EDIL3: variants seen among roughly 807,000 people sequenced by gnomAD.
The protein encoded by EDIL3 is EGF-like repeat and discoidin I-like domain-containing protein 3.
EDIL3 carries 37 observed loss-of-function variants against 67.4 expected under a neutral mutation model. The ratio of observed to expected loss-of-function variants is 0.55; its 90% CI spans 0.42 to 0.72. The LOEUF (loss-of-function observed/expected upper bound fraction) is 0.72, where lower values mean the gene tolerates loss of function less well. EDIL3 is among the 30% of genes least tolerant of loss of function. EDIL3 has a pLI of 0.00. For synonymous variants in EDIL3, 195 were observed against 196.3 expected (o/e 0.99, Z 0.05); for missense variants, 527 against 586.3 (o/e 0.90, Z 1.04).
intron 5 of EDIL3, among the ~76,000 whole-genome samples, chr5:84,126,987 C>T (rs920314156): frequency 2.0e-5 from 3 of 152,084 alleles, no homozygotes; most frequent in East Asian, 1.9e-4. Context: ...ATTGTCATTT[C>T]GGGGATGTTT....
intron 9 of EDIL3, among the ~76,000 whole-genome samples, chr5:83,995,865 G>A (rs1745229931): frequency 6.6e-6 from 1 of 152,140 alleles, no homozygotes; most frequent in Non-Finnish European, 1.5e-5. Flanking sequence ...TTACATTCTT[G>A]ACAGACATAT....
rs1012872187 is a variant in EDIL3, at chr5:83,962,703, GTAATCAAAA to G, written c.1293+493_1293+501del. 1.5e-4 allele frequency among the ~76,000 whole-genome samples: 23 copies of G among 151,600 alleles called. 1 individual carries two copies. Among genetic ancestry groups the G allele is most frequent in the Middle Eastern group, 3.4e-3 (1 of 294 alleles). ...TCTGAGTTTTTTGTTGTTGAGCTGT[GTAATCAAAA>G]TTGTTCTATTTCTAAAATTCCTACT... is the stretch of plus-strand genomic sequence containing the variant. On this transcript the variant is annotated intron_variant, in intron 10 of 10. Transcript: ENST00000296591.
At chr5:84,082,911 T>A (rs1031777747) in intron 6 of EDIL3, among the ~76,000 whole-genome samples, 1 of 152,126 alleles carries the variant, frequency 6.6e-6, no homozygotes, top group Non-Finnish European at 1.5e-5. Flanking sequence ...GTTTTTAATA[T>A]GTTGTCCAAA....
At chr5:84,014,938 A>G (rs1745574089) in intron 9 of EDIL3, among the ~76,000 whole-genome samples, 1 of 152,246 alleles carries the variant, frequency 6.6e-6, no homozygotes, top group South Asian at 2.1e-4. Flanking sequence ...TAATCATATT[A>G]GCACATAGAA....
chr5:84,346,394 G>T (rs1437513604), intron 1 of EDIL3, among the ~76,000 whole-genome samples: 1 of 151,968 alleles, frequency 6.6e-6, no homozygotes, highest in African/African-American at 2.4e-5. Context: ...GCTTGGCTGT[G>T]TCCCAATAAA....
chr5:83,960,967 T>C (rs1744596809), intron 10 of EDIL3, among the ~76,000 whole-genome samples: 1 of 151,046 alleles, frequency 6.6e-6, no homozygotes, highest in African/African-American at 2.4e-5. Flanking sequence ...ATAGAAGGAA[T>C]ACTTTTCAAA....
At chr5:84,061,878 C>CT (rs1158555212) in intron 8 of EDIL3, among the ~76,000 whole-genome samples, 1 of 151,860 alleles carries the variant, frequency 6.6e-6, no homozygotes, top group African/African-American at 2.4e-5. Flanking sequence ...AAAACTAGAC[C>CT]TTTTTTGGAG....
chr5:84,234,608 T>G (rs1227786739), intron 2 of EDIL3, among the ~76,000 whole-genome samples: 1 of 152,190 alleles, frequency 6.6e-6, no homozygotes, highest in Non-Finnish European at 1.5e-5. Flanking sequence ...AACTTGGAAA[T>G]TATACCCATT....
intron 9 of EDIL3, among the ~76,000 whole-genome samples, chr5:84,012,093 T>C (rs1157690342): frequency 6.6e-6 from 1 of 152,164 alleles, no homozygotes; most frequent in African/African-American, 2.4e-5. Flanking sequence ...GAATAAACTA[T>C]TACTATTTAC....
intron 1 of EDIL3, among the ~76,000 whole-genome samples, chr5:84,311,979 A>G (rs1580070937): frequency 6.6e-6 from 1 of 152,120 alleles, no homozygotes; most frequent in Admixed American, 6.5e-5. Context: ...AGACATGGCA[A>G]CCATCCGATT....
At chr5:84,349,472 A>C (rs1747312024) in intron 1 of EDIL3, among the ~76,000 whole-genome samples, 1 of 152,204 alleles carries the variant, frequency 6.6e-6, no homozygotes, top group Non-Finnish European at 1.5e-5. Flanking sequence ...TTCATTATTG[A>C]AGAAAATAAT....
chr5:84,246,870 T>C (rs945741028), intron 2 of EDIL3, among the ~76,000 whole-genome samples: 9 of 152,202 alleles, frequency 5.9e-5, no homozygotes, highest in Non-Finnish European at 1.3e-4. Context: ...TTATATGGTA[T>C]GTTACAGAAT....
At chr5:83,987,602 T>C (rs1284625188) in intron 9 of EDIL3, among the ~76,000 whole-genome samples, 1 of 152,090 alleles carries the variant, frequency 6.6e-6, no homozygotes, top group Non-Finnish European at 1.5e-5. Flanking sequence ...CAGATCCTTG[T>C]GTATCTGCGG....
rs984514651 is a variant in EDIL3, at chr5:84,004,830, C to G, written c.1138-41470G>C. Reference sequence around the variant, plus strand: ...AAGCTAGCAGAAGAAAAGAGATAACCAAAATCAGTGCTCAACTGAATTAAG... The same window carrying G: ...AAGCTAGCAGAAGAAAAGAGATAACGAAAATCAGTGCTCAACTGAATTAAG... On this transcript the variant is annotated intron_variant, in intron 9 of 10. Coordinates refer to ENST00000296591, the MANE Select transcript of EDIL3 (RefSeq NM_005711.5). Among the ~76,000 whole-genome samples the G allele has an allele frequency of 2.0e-5, 3 of 151,736 alleles. No individual in the cohort carries two copies. In the South Asian group the frequency reaches 6.2e-4, roughly 31 times the overall value.
intron 5 of EDIL3, among the ~76,000 whole-genome samples, chr5:84,108,529 C>T (rs73136232): frequency 1.9e-3 from 294 of 152,180 alleles, no homozygotes; most frequent in African/African-American, 6.8e-3. Flanking sequence ...TGAAGTCTTA[C>T]GAGCTGCAGA....
At chr5:84,279,902 G>A (rs1745662843) in intron 1 of EDIL3, among the ~76,000 whole-genome samples, 2 of 152,098 alleles carry the variant, frequency 1.3e-5, no homozygotes, top group Admixed American at 1.3e-4. Flanking sequence ...GATACACCCA[G>A]TACTTAATCC....
At chr5:84,316,805 A>G (rs1287569360) in intron 1 of EDIL3, among the ~76,000 whole-genome samples, 2 of 152,178 alleles carry the variant, frequency 1.3e-5, no homozygotes, top group South Asian at 2.1e-4. Flanking sequence ...AACAGAATAT[A>G]CACTCTTCTC....
chr5:84,358,108 A>G (rs1183173211), intron 1 of EDIL3, among the ~76,000 whole-genome samples: 10 of 152,154 alleles, frequency 6.6e-5, no homozygotes, highest in African/African-American at 2.4e-4. Flanking sequence ...CAAAAAATAC[A>G]TGGGAACCCC....
At chr5:84,119,280 T>G (rs1328706973) in intron 5 of EDIL3, among the ~76,000 whole-genome samples, 1 of 135,306 alleles carries the variant, frequency 7.4e-6, no homozygotes, top group Non-Finnish European at 1.6e-5. Flanking sequence ...CCATTTCCCA[T>G]GCAAAATGTT....
Sources: gnomAD v4.1 joint callset for allele counts (sites outside exome capture counted in the v4.1 genomes callset) on GRCh38, gnomAD v4.1.1 for gene constraint, MANE v1.5 for transcripts, NCBI Gene and HGNC (gene_info 2026-07-23, HGNC 2026-07-21) for gene names.